Variants in PDE5A observed in about 807,000 individuals in gnomAD.
The protein encoded by PDE5A is cGMP-specific 3',5'-cyclic phosphodiesterase.
In PDE5A, 67 loss-of-function variants were observed where a neutral mutation model predicts 110.2. That is an observed-to-expected ratio of 0.61 (90% CI 0.50 to 0.75). PDE5A has a LOEUF of 0.75. PDE5A is among the 30% of genes least tolerant of loss of function. The pLI is 0.00. For missense variants in PDE5A, 862 were observed against 1,045.1 expected, an observed-to-expected ratio of 0.82 and a Z score of 2.42; for synonymous variants, 328 against 351.2, an observed-to-expected ratio of 0.93 and a Z score of 0.74.
chr4:119,616,630 G>A (rs1245976775), intron 1 of PDE5A, among the ~76,000 whole-genome samples: 1 of 152,052 alleles, frequency 6.6e-6, no homozygotes, highest in African/African-American at 2.4e-5. Context: ...CAAAACTAAT[G>A]AGCATGTGCA....
intron 10 of PDE5A, chr4:119,541,782 G>C (rs1726937602): frequency 6.6e-6 from 1 of 152,174 alleles, no homozygotes; most frequent in Non-Finnish European, 1.5e-5. Flanking sequence ...TCCTTTGTGA[G>C]AAAGAGTGTT....
intron 5 of PDE5A, among the ~76,000 whole-genome samples, chr4:119,563,419 T>C (rs1727814382): frequency 6.6e-6 from 1 of 152,190 alleles, no homozygotes; most frequent in Non-Finnish European, 1.5e-5. Context: ...GCACAGTAAA[T>C]ATTACCCGTC....
intron 1 of PDE5A, among the ~76,000 whole-genome samples, chr4:119,611,961 C>A (rs981430449): frequency 6.6e-6 from 1 of 152,192 alleles, no homozygotes; most frequent in Admixed American, 6.5e-5. Flanking sequence ...ATGAAGTGGG[C>A]CTTTGCCCTT....
At chr4:119,528,672 T>G (rs763932613) in intron 11 of PDE5A, 1 of 152,128 alleles carries the variant, frequency 6.6e-6, no homozygotes, top group African/African-American at 2.4e-5. Flanking sequence ...AAGAAGGAAG[T>G]TGGAGTAGAC....
chr4:119,603,118 C>T (rs986719881), intron 2 of PDE5A, among the ~76,000 whole-genome samples: 1 of 152,148 alleles, frequency 6.6e-6, no homozygotes, highest in Non-Finnish European at 1.5e-5. Flanking sequence ...AAGGAAAATA[C>T]CAAGCACATT....
intron 11 of PDE5A, among the ~76,000 whole-genome samples, chr4:119,534,585 C>T (rs1208312387): frequency 6.6e-6 from 1 of 152,084 alleles, no homozygotes; most frequent in Non-Finnish European, 1.5e-5. Flanking sequence ...GGTACCACTG[C>T]CTTACTGGAT....
intron 3 of PDE5A, among the ~76,000 whole-genome samples, chr4:119,579,558 A>G (rs1728510349): frequency 1.3e-5 from 2 of 152,140 alleles, no homozygotes; most frequent in South Asian, 4.2e-4. Flanking sequence ...ATAAAGCTGG[A>G]AACCATCATT....
intron 11 of PDE5A, chr4:119,527,150 T>C (rs1726351590): frequency 6.6e-6 from 1 of 152,130 alleles, no homozygotes; most frequent in Non-Finnish European, 1.5e-5. Context: ...AGCAGGAAGT[T>C]TTCTTTCTTT....
At chr4:119,540,406 A>T (rs1012471877) in intron 10 of PDE5A, among the ~76,000 whole-genome samples, 1 of 152,130 alleles carries the variant, frequency 6.6e-6, no homozygotes, top group African/African-American at 2.4e-5. Context: ...TCACTAGGAA[A>T]CCTCAAGAAA....
Position 119,553,550 on chromosome 4 carries a change from G to A in PDE5A, c.1308+88C>T, listed in dbSNP as rs1166000838. 9.2e-6 allele frequency: 7 copies of A among 764,138 alleles called. No individual in the cohort carries two copies. In the African/African-American group the frequency reaches 1.2e-4, roughly 13 times the overall value. The allele number at this position is 764,138 out of a possible 1,614,324, so 47.3% of individuals were successfully genotyped here. Reference sequence around the variant, plus strand: ...TCATTCCTAAACAGTCAATTCTAGAGCCAGTCCTTCAGTTCAAGAATAACT... The same window carrying A: ...TCATTCCTAAACAGTCAATTCTAGAACCAGTCCTTCAGTTCAAGAATAACT... On this transcript the variant is annotated intron_variant, in intron 8 of 20. Coordinates refer to ENST00000354960, the MANE Select transcript of PDE5A (RefSeq NM_001083.4).
At chr4:119,508,180 T>C (rs1725619573) in intron 15 of PDE5A, among the ~76,000 whole-genome samples, 2 of 151,982 alleles carry the variant, frequency 1.3e-5, no homozygotes, top group African/African-American at 4.8e-5. Flanking sequence ...ACAGTGCATA[T>C]TCCTTAGGAA....
intron 1 of PDE5A, among the ~76,000 whole-genome samples, chr4:119,617,772 T>A (rs1729991936): frequency 6.6e-6 from 1 of 152,230 alleles, no homozygotes; most frequent in Non-Finnish European, 1.5e-5. Context: ...AAATATACTG[T>A]ACTAGGGTAT....
At position 119,627,137 on chromosome 4, in the gene PDE5A, C is replaced by CTT. The variant is rs1487678248; in HGVS notation, c.152+1382_152+1383insAA. The CTT allele has an allele frequency of 6.2e-7, 1 of 1,612,526 alleles. No homozygotes were observed. The highest frequency in any genetic ancestry group is 8.5e-7 in the Non-Finnish European group (1 of 1,179,148). On this transcript the variant is annotated intron_variant, in intron 1 of 20. Coordinates refer to ENST00000354960, the MANE Select transcript of PDE5A (RefSeq NM_001083.4). This position sits in a 1 kb window ranked among gnomAD's most constrained non-coding sequence, Gnocchi z 4.6. ...AAGTGGGAAGGGACGTAGGGGGATG[C>CTT]TGAAGGAAGTACCTTGTTTTGTCTC...
At chr4:119,507,737 C>G in intron 15 of PDE5A, 33 bp from the exon 16 acceptor site, 1 of 1,370,664 alleles carries the variant, frequency 7.3e-7, no homozygotes, top group Non-Finnish European at 1.0e-6. Flanking sequence ...TATTAACATC[C>G]TGGAGAAGCT....
chr4:119,606,176 G>T (rs1166501689), intron 2 of PDE5A, among the ~76,000 whole-genome samples: 3 of 152,014 alleles, frequency 2.0e-5, no homozygotes. Context: ...CCATTTTTTT[G>T]AAGACATCTG....
Position 119,498,567 on chromosome 4 carries a change from T to C in PDE5A, c.*34A>G, listed in dbSNP as rs1403786948. The C allele has an allele frequency of 1.2e-6, 2 of 1,612,818 alleles. No homozygotes were observed. Among genetic ancestry groups the C allele is most frequent in the South Asian group, 2.2e-5 (2 of 91,046 alleles). ...TAGGCATATTGCAGAACACACCATC[T>C]CTGTAAACTTCAACTCTGCATGAAA... On this transcript the variant is annotated 3_prime_UTR_variant, in exon 21 of 21. Coordinates refer to ENST00000354960, the MANE Select transcript of PDE5A (RefSeq NM_001083.4).
chr4:119,528,122 T>C (rs1726394779), intron 11 of PDE5A, among the ~76,000 whole-genome samples: 1 of 152,100 alleles, frequency 6.6e-6, no homozygotes, highest in Admixed American at 6.6e-5. Context: ...TGATGGTATA[T>C]GTATTCTTCT....
intron 9 of PDE5A, among the ~76,000 whole-genome samples, chr4:119,544,755 G>C (rs1332142392): frequency 6.6e-6 from 1 of 152,168 alleles, no homozygotes; most frequent in East Asian, 1.9e-4. Flanking sequence ...CAATCTGCGA[G>C]GCTTATGACC....
Position 119,627,234 on chromosome 4 carries a change from T to A in PDE5A, c.152+1286A>T, listed in dbSNP as rs939853234. The A allele has an allele frequency of 5.6e-6, 9 of 1,608,116 alleles. No homozygotes were observed. Among genetic ancestry groups the A allele is most frequent in the Non-Finnish European group, 8.5e-7 (1 of 1,176,912 alleles). On this transcript the variant is annotated intron_variant, in intron 1 of 20. Transcript: ENST00000354960. This position sits in a 1 kb window ranked among gnomAD's most constrained non-coding sequence, Gnocchi z 4.6. ...CGATCCTGGACTCCAGGAGGCTCCGTAGGGGCAACAACGCGCGCAGGTGAG... is the reference window on the plus strand; with the variant it reads ...CGATCCTGGACTCCAGGAGGCTCCGAAGGGGCAACAACGCGCGCAGGTGAG...
Sources: allele counts gnomAD v4.1 joint callset (sites outside exome capture counted in the v4.1 genomes callset), GRCh38; gene constraint gnomAD v4.1.1; non-coding constraint Gnocchi (gnomAD v3.1); transcripts MANE v1.5; gene names NCBI Gene and HGNC (gene_info 2026-07-23, HGNC 2026-07-21).